The following LGALS1 variants were observed in gnomAD, a reference collection of about 807,000 sequenced individuals.
LGALS1 encodes the protein galectin-1.
In LGALS1, 14 loss-of-function variants were observed where a neutral mutation model predicts 14.4. That is an observed-to-expected ratio of 0.97 (90% confidence interval 0.64 to 1.52). The LOEUF (loss-of-function observed/expected upper bound fraction) is 1.52, where lower values mean the gene tolerates loss of function less well. Among genes scored for constraint, LGALS1 ranks in the 40% most tolerant of loss-of-function variants. LGALS1 has a pLI of 0.00. For missense variants in LGALS1, 170 were observed against 181.4 expected (o/e 0.94, Z 0.36); for synonymous variants, 71 against 73.4 (o/e 0.97, Z 0.17).
intron 1 of LGALS1, 126 bp downstream of exon 1, chr22:37,675,837 T>G: frequency 1.2e-6 from 1 of 811,022 alleles, no homozygotes. Flanking sequence ...TGCCTTCTCT[T>G]TTCTGGACCT....
chr22:37,679,390 C>A (rs1333196178), intron 3 of LGALS1, among the ~76,000 whole-genome samples: 15 of 150,646 alleles, frequency 1.0e-4, no homozygotes, highest in Admixed American at 9.9e-4. Context: ...GAGATTATGC[C>A]ACTGTACTCC....
chr22:37,678,130 C>G (rs1319730861), intron 2 of LGALS1, among the ~76,000 whole-genome samples: 1 of 152,152 alleles, frequency 6.6e-6, no homozygotes, highest in East Asian at 1.9e-4. Context: ...AATTACTAAG[C>G]ATCTTTTTCT....
In LGALS1 at chr22:37,677,405, G is replaced by T. The variant is rs1281795583; in HGVS notation, c.89+340G>T. ...GAGGAGTGGGGCGGGCGTCACCGCC[G>T]CCTTCCCCCTGAGTCCCTCCTTCCT... On this transcript the variant is annotated intron_variant, in intron 2 of 3. Coordinates refer to ENST00000215909, the MANE Select transcript of LGALS1 (RefSeq NM_002305.4). The T allele has an allele frequency of 9.3e-6, 3 of 323,758 alleles. No individual in the cohort carries two copies. In the East Asian group the frequency reaches 2.3e-4, roughly 24 times the overall value. The allele number at this position is 323,758 out of a possible 1,614,324, so 20.1% of individuals were successfully genotyped here.
rs559902279 is a variant in LGALS1 at position 37,678,400 on chromosome 22, C to T, written c.90-83C>T. On this transcript the variant is annotated intron_variant, in intron 2 of 3. Coordinates refer to ENST00000215909, the MANE Select transcript of LGALS1 (RefSeq NM_002305.4). Reference sequence around the variant, plus strand: ...GTGAGTTCTTCCAGCAAGGTGCGTTCATGGGATACTGAGTGACAGATTAGT... The same window carrying T: ...GTGAGTTCTTCCAGCAAGGTGCGTTTATGGGATACTGAGTGACAGATTAGT... 18 of 1,482,550 alleles carry T rather than the reference C, an allele frequency of 1.2e-5. No homozygotes were observed. In the South Asian group the frequency reaches 2.0e-4, roughly 16 times the overall value. 91.8% of individuals were successfully genotyped at this position (1,482,550 alleles called of 1,614,324 possible). A position where few individuals can be genotyped will look rare whatever the true frequency, so the allele number is the denominator to read the frequency against.
chr22:37,676,871 G>T lies in LGALS1; in HGVS notation c.10-115G>T, dbSNP rs574830233. ...CTTTCCCCAGGCTTCCCCTTGGCTTGGTCAGAGGATGCCGGGCGGGAACAA... is the reference window on the plus strand; with the variant it reads ...CTTTCCCCAGGCTTCCCCTTGGCTTTGTCAGAGGATGCCGGGCGGGAACAA... On this transcript the variant is annotated intron_variant, in intron 1 of 3. Transcript: ENST00000215909. The T allele has an allele frequency of 1.4e-3, 1,396 of 971,404 alleles. 18 individuals are homozygous for T. The highest frequency in any genetic ancestry group is 3.0e-4 in the Non-Finnish European group (184 of 614,232). The allele number at this position is 971,404 out of a possible 1,614,324, so 60.2% of individuals were successfully genotyped here. A position where few individuals can be genotyped will look rare whatever the true frequency, so the allele number is the denominator to read the frequency against.
chr22:37,677,144 TCTC>T, intron 2 of LGALS1, 79 bp downstream of exon 2: 1 of 1,372,274 alleles, frequency 7.3e-7, no homozygotes, highest in East Asian at 2.4e-5. Flanking sequence ...CAAGCCCACA[TCTC>T]CTCCCTGGCC....
Position 37,677,272 on chromosome 22 carries a change from A to G in LGALS1, c.89+207A>G. 5 of 590,302 alleles carry G rather than the reference A, an allele frequency of 8.5e-6. 1 individual carries two copies. In the South Asian group the frequency reaches 9.7e-5, roughly 11 times the overall value. 36.6% of individuals were successfully genotyped at this position (590,302 alleles called of 1,614,324 possible). On this transcript the variant is annotated intron_variant, in intron 2 of 3. Coordinates refer to ENST00000215909, the MANE Select transcript of LGALS1 (RefSeq NM_002305.4). ...CCCTCCCCCGCTCCCTCCCTGCTGT[A>G]GCCTCTTAAACTAAACCAGCTGCAG... is the stretch of plus-strand genomic sequence containing the variant.
chr22:37,679,779 G>T lies in LGALS1; in HGVS notation c.*30G>T. ...AGCCAGCCCATGGCCCCCAATAAAG[G>T]CAGCTGCCTCTGCTCCCTCTGAACC... On this transcript the variant is annotated 3_prime_UTR_variant, in exon 4 of 4. Coordinates refer to ENST00000215909, the MANE Select transcript of LGALS1 (RefSeq NM_002305.4). 6.4e-7 allele frequency: 1 copy of T among 1,560,924 alleles called. No homozygotes were observed. The highest frequency in any genetic ancestry group is 8.7e-7 in the Non-Finnish European group (1 of 1,149,198).
intron 2 of LGALS1, chr22:37,677,368 G>T: frequency 2.7e-6 from 1 of 375,812 alleles, no homozygotes; most frequent in Non-Finnish European, 5.0e-6. Context: ...CTGTCGCTGG[G>T]GAGGGCGGGG....
chr22:37,676,917 AC>A, intron 1 of LGALS1, 68 bp from the exon 2 acceptor site: 1 of 1,438,480 alleles, frequency 7.0e-7, no homozygotes, highest in Non-Finnish European at 9.7e-7. Context: ...ACCCCCAGCC[AC>A]CCCCGGACAC....
intron 1 of LGALS1, chr22:37,676,076 T>C (rs1601601266): frequency 1.5e-5 from 3 of 196,242 alleles, no homozygotes; most frequent in East Asian, 1.2e-4. Context: ...TCCTGTCCCC[T>C]CCCCCCTGCA....
intron 3 of LGALS1, among the ~76,000 whole-genome samples, chr22:37,678,992 G>T (rs111783581): frequency 6.6e-6 from 1 of 151,868 alleles, no homozygotes; most frequent in African/African-American, 2.4e-5. Context: ...TTAGCTAGGC[G>T]TGATGGCGCA....
At chr22:37,677,756 T>C (rs1172695316) in intron 2 of LGALS1, among the ~76,000 whole-genome samples, 1 of 151,840 alleles carries the variant, frequency 6.6e-6, no homozygotes, top group African/African-American at 2.4e-5. Flanking sequence ...GTATTTATTA[T>C]TTTATTTATT....
chr22:37,677,174 C>T, intron 2 of LGALS1, 109 bp downstream of exon 2: 1 of 1,095,296 alleles, frequency 9.1e-7, no homozygotes, highest in Non-Finnish European at 1.3e-6. Context: ...GGGTTAACGG[C>T]CAGCCGCCGA....
At chr22:37,679,379 C>T (rs970795991) in intron 3 of LGALS1, among the ~76,000 whole-genome samples, 3 of 150,144 alleles carry the variant, frequency 2.0e-5, no homozygotes, top group Non-Finnish European at 3.0e-5. Flanking sequence ...TGCAGTGAGC[C>T]GAGATTATGC....
At chr22:37,677,255 C>T in intron 2 of LGALS1, 190 bp downstream of exon 2, 1 of 605,248 alleles carries the variant, frequency 1.7e-6, no homozygotes, top group South Asian at 1.9e-5. Context: ...CCCCCTCCCC[C>T]GCTCCCTCCC....
chr22:37,677,102 G>C (rs1332203536), intron 2 of LGALS1, 37 bp downstream of exon 2: 10 of 1,604,154 alleles, frequency 6.2e-6, no homozygotes, highest in Non-Finnish European at 7.7e-6. Flanking sequence ...CGGCAGGGAC[G>C]GGCTTGGTCC....
Position 37,678,606 on chromosome 22 carries a change from C to T in LGALS1, c.213C>T (p.Thr71=), listed in dbSNP as rs4888. 7.3e-5 allele frequency: 117 copies of T among 1,602,224 alleles called. 1 individual carries two copies. Among genetic ancestry groups the T allele is most frequent in the South Asian group, 7.0e-4 (64 of 90,870 alleles). ...GCAAGGACGGCGGGGCCTGGGGGAC[C>T]GAGCAGCGGGAGGCTGTCTTTCCCT... ...CNSKDGGAWG[T]EQREAVFPFQ... Residue 71 remains threonine (T), a synonymous_variant, in exon 3 of 4, where the codon ACC becomes ACT. Transcript: ENST00000215909.
At chr22:37,676,535 C>T (rs1298630235) in intron 1 of LGALS1, among the ~76,000 whole-genome samples, 1 of 152,098 alleles carries the variant, frequency 6.6e-6, no homozygotes, top group East Asian at 1.9e-4. Flanking sequence ...CAGAGAGGGG[C>T]TTGAAGGAGA....
Sources: gnomAD v4.1 joint callset for allele counts (sites outside exome capture counted in the v4.1 genomes callset) on GRCh38, gnomAD v4.1.1 for gene constraint, MANE v1.5 for transcripts, NCBI Gene and HGNC (gene_info 2026-07-23, HGNC 2026-07-21) for gene names.